TNXB: variants seen among roughly 807,000 people sequenced by gnomAD.
TNXB encodes the protein tenascin-X.
A neutral mutation model predicts 340.5 loss-of-function variants in TNXB; 183 were observed. The ratio of observed to expected loss-of-function variants is 0.54; its 90% CI spans 0.48 to 0.61. TNXB has a LOEUF of 0.61. TNXB is among the 20% of genes least tolerant of loss of function. The probability of loss-of-function intolerance (pLI) is 0.00; values close to 1 mark genes in which losing one functional copy is unlikely to be tolerated. For synonymous variants in TNXB, 2,121 were observed against 2,314.5 expected (o/e 0.92, Z 2.40); for missense variants, 4,613 against 5,446.4 (o/e 0.85, Z 4.82).
chr6:32,106,134 G>T (rs145249614), intron 1 of TNXB, among the ~76,000 whole-genome samples: 2 of 151,190 alleles, frequency 1.3e-5, no homozygotes, highest in Non-Finnish European at 2.9e-5. Flanking sequence ...AGGGGCATGG[G>T]GGGGGGGGCT....
chr6:32,052,619 A>C lies in TNXB; in HGVS notation c.9115+51T>G. 1 of 1,588,898 alleles carries C rather than the reference A, an allele frequency of 6.3e-7. No homozygotes were observed. The highest frequency in any genetic ancestry group is 8.6e-7 in the Non-Finnish European group (1 of 1,160,748). On this transcript the variant is annotated intron_variant, in intron 26 of 43. Transcript: ENST00000644971. The surrounding 1 kb of genome is among the most constrained non-coding windows in gnomAD (Gnocchi z 4.7). ...TTTTCACGAAGACTGGAGAGACAGC[A>C]GTGTCTTCCAGGGCCATCTTCCCCA...
chr6:32,095,712 C>T lies in TNXB; in HGVS notation c.2141G>A (p.Cys714Tyr). 1 of 1,614,032 alleles carries T rather than the reference C, an allele frequency of 6.2e-7. No individual in the cohort carries two copies. The part of the protein sequence containing the change: ...VCVEGFRGPD[C>Y]AIQTCPGDCR... ...GTCCCCTGGGCATGTCTGGATGGCACAGTCAGGGCCTCGGAAGCCCTCTAC... is the reference window on the plus strand; with the variant it reads ...GTCCCCTGGGCATGTCTGGATGGCATAGTCAGGGCCTCGGAAGCCCTCTAC... The change falls in exon 3 of 44, where the codon TGT becomes TAT. Residue 714 changes from cysteine to tyrosine, a missense_variant. This residue lies in a region of TNXB where 4,327 missense variants were observed against 4,859.4 expected (regional missense o/e 0.89). Coordinates refer to ENST00000644971, the MANE Select transcript of TNXB (RefSeq NM_001365276.2).
At chr6:32,050,357 G>T in intron 26 of TNXB, 36 bp from the exon 27 acceptor site, 2 of 1,603,950 alleles carry the variant, frequency 1.2e-6, no homozygotes, top group Non-Finnish European at 1.7e-6. Context: ...GAGGACCCTG[G>T]GTTCTCAGTT....
chr6:32,074,653 C>T lies in TNXB; in HGVS notation c.4376-701G>A, dbSNP rs552658978. 1.3e-5 allele frequency among the ~76,000 whole-genome samples: 2 copies of T among 152,258 alleles called. No individual in the cohort carries two copies. The highest frequency in any genetic ancestry group is 4.1e-4 in the South Asian group (2 of 4,828). On this transcript the variant is annotated intron_variant, in intron 11 of 43. Transcript: ENST00000644971. This position sits in a 1 kb window ranked among gnomAD's most constrained non-coding sequence, Gnocchi z 5.5. ...CTCTGAGCTTCCTGACACCTGCTCC[C>T]GCCACAGCCTCCCCACCTCAGTAAG...
At position 32,052,605 on chromosome 6, in the gene TNXB, A is replaced by G; in HGVS notation, c.9115+65T>C. ...CTCTTCAGAGTATGTTTTCACGAAGACTGGAGAGACAGCAGTGTCTTCCAG... is the reference window on the plus strand; with the variant it reads ...CTCTTCAGAGTATGTTTTCACGAAGGCTGGAGAGACAGCAGTGTCTTCCAG... On this transcript the variant is annotated intron_variant, in intron 26 of 43. Transcript: ENST00000644971. The surrounding 1 kb of genome is among the most constrained non-coding windows in gnomAD (Gnocchi z 4.7). 1 of 1,574,466 alleles carries G rather than the reference A, an allele frequency of 6.4e-7. No individual in the cohort carries two copies. The highest frequency in any genetic ancestry group is 1.4e-5 in the African/African-American group (1 of 74,070).
intron 4 of TNXB, among the ~76,000 whole-genome samples, chr6:32,091,204 G>A (rs540350025): frequency 1.8e-4 from 27 of 151,002 alleles, no homozygotes; most frequent in African/African-American, 5.8e-4. Context: ...TCCGCCTCCC[G>A]GGTTCAAGCG....
At position 32,082,042 on chromosome 6, in the gene TNXB, T is replaced by C; in HGVS notation, c.3730A>G (p.Thr1244Ala). 2 of 1,602,282 alleles carry C rather than the reference T, an allele frequency of 1.2e-6. No individual in the cohort carries two copies. Among genetic ancestry groups the C allele is most frequent in the Non-Finnish European group, 1.7e-6 (2 of 1,174,842 alleles). The change falls in exon 9 of 44, where the codon ACC (threonine) becomes GCC (alanine). Residue 1244 changes from threonine (T) to alanine (A), a missense_variant. Physicochemically the swap from Thr to Ala is moderately conservative, Grantham distance 58. Coordinates refer to ENST00000644971, the MANE Select transcript of TNXB (RefSeq NM_001365276.2). This position sits in a 1 kb window ranked among gnomAD's most constrained non-coding sequence, Gnocchi z 5.0. The part of the protein sequence containing the change: ...KRYGPLTADG[T>A]TAPERKEEPP... ...TGAGGTGGCTGCTACTCACCAGTGG[T>C]GCCATCGGCCGTGAGGGGGCCATAC...
intron 1 of TNXB, among the ~76,000 whole-genome samples, chr6:32,106,139 G>GT (rs1780967097): frequency 6.6e-6 from 1 of 151,392 alleles, no homozygotes; most frequent in Non-Finnish European, 1.5e-5. Flanking sequence ...CATGGGGGGG[G>GT]GGGCTTCTGG....
intron 21 of TNXB, among the ~76,000 whole-genome samples, chr6:32,060,580 C>A (rs1777947822): frequency 6.6e-6 from 1 of 151,916 alleles, no homozygotes; most frequent in African/African-American, 2.4e-5. Context: ...TCTTTCCAGT[C>A]TTCTTGCCAT....
At chr6:32,066,954 C>T (rs1253599021) in intron 18 of TNXB, among the ~76,000 whole-genome samples, 1 of 151,880 alleles carries the variant, frequency 6.6e-6, no homozygotes, top group Non-Finnish European at 1.5e-5. Context: ...ACTTGTAGTC[C>T]CAGCTATTCG....
At position 32,070,114 on chromosome 6, in the gene TNXB, G is replaced by C; in HGVS notation, c.5278+13C>G. The C allele has an allele frequency of 6.5e-7, 1 of 1,544,118 alleles. No individual in the cohort carries two copies. Among genetic ancestry groups the C allele is most frequent in the Non-Finnish European group, 8.7e-7 (1 of 1,143,534 alleles). On this transcript the variant is annotated intron_variant, in intron 14 of 43. Transcript: ENST00000644971. This position sits in a 1 kb window ranked among gnomAD's most constrained non-coding sequence, Gnocchi z 6.0. ...GGGGAGCAGAGCAGGGACCTGCAGG[G>C]AATGCCCCTCACCCGTGGTGCCGTC...
In TNXB at chr6:32,064,466, G is replaced by A. The variant is rs567371306; in HGVS notation, c.6841+355C>T. Among the ~76,000 whole-genome samples, 18 of 152,182 alleles carry A rather than the reference G, an allele frequency of 1.2e-4. No homozygotes were observed. Among genetic ancestry groups the A allele is most frequent in the Non-Finnish European group, 1.9e-4 (13 of 68,004 alleles). The stretch of plus-strand genomic sequence containing the variant: ...TGACCTCAAGTGATCTGCCCCCTTC[G>A]GCCTCCCAAAGTGCTGGGATTACAG... On this transcript the variant is annotated intron_variant, in intron 19 of 43. Coordinates refer to ENST00000644971, the MANE Select transcript of TNXB (RefSeq NM_001365276.2). This position sits in a 1 kb window ranked among gnomAD's most constrained non-coding sequence, Gnocchi z 5.3.
chr6:32,101,005 G>A (rs1334187074), intron 1 of TNXB, among the ~76,000 whole-genome samples: 2 of 149,478 alleles, frequency 1.3e-5, no homozygotes, highest in Non-Finnish European at 3.0e-5. Flanking sequence ...CTTGAAACTG[G>A]AGGCGGAGGT....
intron 25 of TNXB, 31 bp from the exon 26 acceptor site, chr6:32,053,024 G>A (rs933871166): frequency 6.3e-7 from 1 of 1,593,924 alleles, no homozygotes; most frequent in Non-Finnish European, 8.6e-7. Flanking sequence ...AGGTGAGGCA[G>A]CTTCCCTGGG....
Position 32,050,040 on chromosome 6 carries a change from C to G in TNXB, c.9397G>C (p.Gly3133Arg), listed in dbSNP as rs760604031. The change falls in exon 27 of 44, where the codon GGT becomes CGT. Residue 3133 changes from glycine to arginine, a missense_variant. Physicochemically the swap from Gly to Arg is moderately radical, Grantham distance 125. This residue lies in a region of TNXB where 4,327 missense variants were observed against 4,859.4 expected (regional missense o/e 0.89). Transcript: ENST00000644971. ...GACACAGGGCCTACGCGCTGGCCAC[C>G]GTGGAAGCCGTACAGGTTCATCTTG... is the stretch of plus-strand genomic sequence containing the variant. Reference protein sequence around the residue: ...KYKMNLYGFHGGQRVGPVSAI... With the variant: ...KYKMNLYGFHRGQRVGPVSAI... The G allele has an allele frequency of 4.3e-6, 7 of 1,613,688 alleles. No homozygotes were observed. Among genetic ancestry groups the G allele is most frequent in the Non-Finnish European group, 5.9e-6 (7 of 1,179,892 alleles).
chr6:32,042,413 C>A (rs1434589325), intron 40 of TNXB, 42 bp downstream of exon 40: 9 of 1,599,534 alleles, frequency 5.6e-6, no homozygotes, highest in Non-Finnish European at 6.8e-6. Flanking sequence ...GGGCAACAGA[C>A]CCTGCCCTGC....
chr6:32,095,012 A>G, intron 4 of TNXB, 64 bp downstream of exon 4: 1 of 1,326,788 alleles, frequency 7.5e-7, no homozygotes, highest in South Asian at 1.3e-5. Flanking sequence ...TTCCTCCAGG[A>G]GGTGAGCCCT....
intron 4 of TNXB, among the ~76,000 whole-genome samples, chr6:32,091,896 A>C (rs916248656): frequency 6.6e-6 from 1 of 152,154 alleles, no homozygotes; most frequent in African/African-American, 2.4e-5. Flanking sequence ...CTGTTTTTAG[A>C]CTAGACCCAA....
chr6:32,096,350 A>C lies in TNXB; in HGVS notation c.1503T>G (p.Cys501Trp). 4 of 1,547,626 alleles carry C rather than the reference A, an allele frequency of 2.6e-6. No individual in the cohort carries two copies. Among genetic ancestry groups the C allele is most frequent in the Non-Finnish European group, 3.5e-6 (4 of 1,153,824 alleles). The part of the protein sequence containing the change: ...DCGTRACPGD[C>W]RGRGRCVDGR... ...CATCCACGCAGCGCCCGCGCCCGCG[A>C]CAGTCGCCAGGACAGGCGCGCGTGC... Residue 501 changes from cysteine to tryptophan, a missense_variant, in exon 3 of 44, where the codon TGT becomes TGG. Cys to Trp is a radical substitution (Grantham distance 215, BLOSUM62 -2). Coordinates refer to ENST00000644971, the MANE Select transcript of TNXB (RefSeq NM_001365276.2).
Sources: allele counts gnomAD v4.1 joint callset (sites outside exome capture counted in the v4.1 genomes callset), GRCh38; gene constraint gnomAD v4.1.1; regional missense constraint gnomAD v4.1.1; non-coding constraint Gnocchi (gnomAD v3.1); transcripts MANE v1.5; gene names NCBI Gene and HGNC (gene_info 2026-07-23, HGNC 2026-07-21).